Variants in GNB5 observed in about 807,000 individuals in gnomAD.
The protein encoded by GNB5 is G protein subunit beta 5, also known as guanine nucleotide-binding protein subunit beta-5.
In GNB5, 37 loss-of-function variants were observed where a neutral mutation model predicts 55.3. The observed-to-expected ratio is 0.67, with a 90% confidence interval of 0.51 to 0.88. GNB5 has a LOEUF of 0.88. Ranked by LOEUF, GNB5 falls within the 40% of genes least tolerant of loss-of-function variation. The pLI, the probability that GNB5 is intolerant of heterozygous loss-of-function variation, is 0.00. For synonymous variants in GNB5, 219 were observed against 198.5 expected (o/e 1.10, Z -0.87); for missense variants, 476 against 515.3 (o/e 0.92, Z 0.74).
intron 4 of GNB5, among the ~76,000 whole-genome samples, chr15:52,152,365 C>T (rs2034115914): frequency 6.6e-6 from 1 of 151,908 alleles, no homozygotes; most frequent in African/African-American, 2.4e-5. Context: ...GCCCTGTTGC[C>T]TAGGCTGGAG....
chr15:52,178,446 G>A (rs566551750), intron 3 of GNB5, among the ~76,000 whole-genome samples: 1 of 152,270 alleles, frequency 6.6e-6, no homozygotes, highest in South Asian at 2.1e-4. Flanking sequence ...GTGATGTTTG[G>A]AGCTGTGGCA....
intron 1 of GNB5, among the ~76,000 whole-genome samples, chr15:52,185,352 G>A (rs977230420): frequency 6.6e-6 from 1 of 152,242 alleles, no homozygotes; most frequent in Non-Finnish European, 1.5e-5. Context: ...CTGAAGCTTG[G>A]TTTTGCTAAT....
chr15:52,143,978 T>C (rs1285347612), intron 6 of GNB5: 1 of 152,262 alleles, frequency 6.6e-6, no homozygotes, highest in Non-Finnish European at 1.5e-5. Context: ...ACTTCCTCTG[T>C]TTGGCCCTCG....
intron 3 of GNB5, among the ~76,000 whole-genome samples, chr15:52,160,222 A>G (rs2034302087): frequency 6.6e-6 from 1 of 152,224 alleles, no homozygotes; most frequent in African/African-American, 2.4e-5. Flanking sequence ...TGTTGGGATT[A>G]CAGGCATGAG....
rs116652284 is a variant in GNB5 at position 52,160,876 on chromosome 15, G to T, written c.239-6800C>A. ...ACTATAATCTCTGAATCTCCTACTG[G>T]TGGACACTTACTTTGTCCCAGGGCT... is the stretch of plus-strand genomic sequence containing the variant. On this transcript the variant is annotated intron_variant, in intron 3 of 12. Transcript: ENST00000261837. Among the ~76,000 whole-genome samples, 477 of 152,240 alleles carry T rather than the reference G, an allele frequency of 3.1e-3. 1 individual carries two copies. Among genetic ancestry groups the T allele is most frequent in the African/African-American group, 0.011 (456 of 41,530 alleles).
chr15:52,128,476 T>A (rs1459337796), intron 9 of GNB5: 2 of 616,594 alleles, frequency 3.2e-6, no homozygotes, highest in Admixed American at 2.6e-5. Context: ...TGTGTTGATA[T>A]CAGGCACAGA....
intron 7 of GNB5, chr15:52,137,160 A>C: frequency 1.1e-6 from 1 of 881,374 alleles, no homozygotes. Context: ...TGCCAAGTGG[A>C]GGTTCTCCCT....
At position 52,118,764 on chromosome 15, in the gene GNB5, G is replaced by A. The variant is rs1448030138; in HGVS notation, c.*3993C>T. On this transcript the variant is annotated 3_prime_UTR_variant, in exon 13 of 13. Transcript: ENST00000261837. ...ATGCCTTGTAATCCCAGCTACTCGG[G>A]AGGCTGAGGCAGGAGAATCGCTTGA... 1 of 151,816 alleles carries A rather than the reference G, an allele frequency of 6.6e-6. No individual in the cohort carries two copies. Among genetic ancestry groups the A allele is most frequent in the African/African-American group, 2.4e-5 (1 of 41,140 alleles). The allele number at this position is 151,816 out of a possible 1,614,324, so 9.4% of individuals were successfully genotyped here. A position where few individuals can be genotyped will look rare whatever the true frequency, so the allele number is the denominator to read the frequency against.
At chr15:52,135,876 C>A (rs2033692615) in intron 7 of GNB5, 120 bp from the exon 8 acceptor site, 1 of 716,946 alleles carries the variant, frequency 1.4e-6, no homozygotes, top group Non-Finnish European at 2.4e-6. Context: ...CACACACACA[C>A]ACACACACAC....
intron 1 of GNB5, among the ~76,000 whole-genome samples, chr15:52,186,176 T>C (rs942999462): frequency 6.6e-6 from 1 of 152,202 alleles, no homozygotes; most frequent in Non-Finnish European, 1.5e-5. Context: ...AGTGTAACAA[T>C]GTATAACCAG....
intron 12 of GNB5, among the ~76,000 whole-genome samples, chr15:52,124,167 A>C (rs1047311502): frequency 6.6e-6 from 1 of 152,224 alleles, no homozygotes; most frequent in African/African-American, 2.4e-5. Flanking sequence ...AAAGGCTAGA[A>C]TCACAAGAAT....
At chr15:52,133,697 C>A (rs1369317444) in intron 8 of GNB5, among the ~76,000 whole-genome samples, 2 of 152,228 alleles carry the variant, frequency 1.3e-5, no homozygotes, top group Non-Finnish European at 2.9e-5. Context: ...ACTCGGCTTC[C>A]TCTTTTAGCT....
intron 7 of GNB5, chr15:52,139,700 A>G: frequency 1.4e-6 from 1 of 731,362 alleles, no homozygotes; most frequent in Non-Finnish European, 1.9e-6. Context: ...CTGCCTCCAG[A>G]GCCACCCTTG....
Position 52,184,544 on chromosome 15 carries a change from CA to C in GNB5, c.126+6del. ...AGATAACTGAATTTTTTTTAAGTGG[CA>C]CTTACAATTTCTGCACATGTTGAAC... On this transcript the variant is annotated splice_donor_region_variant and intron_variant, in intron 2 of 12. Transcript: ENST00000261837. 2 of 1,611,722 alleles carry C rather than the reference CA, an allele frequency of 1.2e-6. No homozygotes were observed. The highest frequency in any genetic ancestry group is 1.7e-6 in the Non-Finnish European group (2 of 1,178,448).
intron 12 of GNB5, among the ~76,000 whole-genome samples, chr15:52,124,005 C>CAAAAAAAAAAAAAAAAAAAAAAAA (rs56008657): frequency 2.4e-5 from 2 of 84,404 alleles, no homozygotes; most frequent in South Asian, 4.4e-4. Context: ...ATAGAAAAAC[C>CAAAAAAAAAAAAAAAAAAAAAAAA]AAAAAAAAAA....
At chr15:52,135,506 C>T (rs2033679798) in intron 8 of GNB5, 107 bp downstream of exon 8, 1 of 956,988 alleles carries the variant, frequency 1.0e-6, no homozygotes, top group Admixed American at 2.3e-5. Context: ...TTCCTGCAGC[C>T]CCTTCTAGGG....
Position 52,128,248 on chromosome 15 carries a change from C to A in GNB5, c.864-4G>T. 2 of 1,600,062 alleles carry A rather than the reference C, an allele frequency of 1.2e-6. No individual in the cohort carries two copies. Among genetic ancestry groups the A allele is most frequent in the Non-Finnish European group, 1.7e-6 (2 of 1,167,176 alleles). ...GGCATCTCCACTGGGGTAGTACCTG[C>A]AGAGAGAAAGTACTTTATCTACGGT... On this transcript the variant is annotated splice_polypyrimidine_tract_variant and splice_region_variant and intron_variant, in intron 9 of 12. Transcript: ENST00000261837.
At chr15:52,135,977 G>C (rs1324080357) in intron 7 of GNB5, 3 of 418,246 alleles carry the variant, frequency 7.2e-6, no homozygotes, top group Non-Finnish European at 1.2e-5. Context: ...CACCCTCACA[G>C]TCCTTGAGTT....
intron 12 of GNB5, 38 bp downstream of exon 12, chr15:52,124,435 C>T (rs759221814): frequency 1.3e-6 from 2 of 1,554,152 alleles, no homozygotes; most frequent in Non-Finnish European, 1.8e-6. Context: ...GTCCTCTCTC[C>T]TCTCACACAC....
Sources: allele counts gnomAD v4.1 joint callset (sites outside exome capture counted in the v4.1 genomes callset), GRCh38; gene constraint gnomAD v4.1.1; transcripts MANE v1.5; gene names NCBI Gene and HGNC (gene_info 2026-07-23, HGNC 2026-07-21).